MALT1: variants seen among roughly 807,000 people sequenced by gnomAD.
MALT1 encodes the protein mucosa-associated lymphoid tissue lymphoma translocation protein 1.
A neutral mutation model predicts 85.5 loss-of-function variants in MALT1; 36 were observed. That is an observed-to-expected ratio of 0.42 (90% CI 0.32 to 0.56). MALT1 has a LOEUF of 0.56. Among genes scored for constraint, MALT1 ranks in the 20% least tolerant of loss-of-function variants. The pLI is 0.10. For missense variants in MALT1, 716 were observed against 981.6 expected, an observed-to-expected ratio of 0.73 and a Z score of 3.62; for synonymous variants, 359 against 361.3, an observed-to-expected ratio of 0.99 and a Z score of 0.07.
intron 8 of MALT1, among the ~76,000 whole-genome samples, chr18:58,714,786 A>G (rs1024240821): frequency 1.8e-4 from 22 of 121,022 alleles, no homozygotes; most frequent in Admixed American, 8.2e-4. Flanking sequence ...CTGAAAGACA[A>G]TGATGGAACC....
In MALT1 at chr18:58,751,613, C is replaced by T. The variant is rs1234982247; in HGVS notation, c.*3771C>T. 1.3e-5 allele frequency: 2 copies of T among 152,044 alleles called. No homozygotes were observed. The highest frequency in any genetic ancestry group is 6.6e-5 in the Admixed American group (1 of 15,260). 9.4% of individuals were successfully genotyped at this position (152,044 alleles called of 1,614,324 possible). On this transcript the variant is annotated 3_prime_UTR_variant, in exon 17 of 17. Coordinates refer to ENST00000649217, the MANE Select transcript of MALT1 (RefSeq NM_006785.4). ...CCATGCTTTTATTTTACTTGAATCT[C>T]GTGCCAATTGCTTTGTAATATTAAA...
In MALT1 at chr18:58,751,711, T is replaced by C. The variant is rs2055449206; in HGVS notation, c.*3869T>C. ...TCTGTCAATACCAATTAGAATGTAA[T>C]AAAGAAATTAGGATAGTGGAGGTTT... is the stretch of plus-strand genomic sequence containing the variant. On this transcript the variant is annotated 3_prime_UTR_variant, in exon 17 of 17. Transcript: ENST00000649217. The C allele has an allele frequency of 6.6e-6, 1 of 152,140 alleles. No homozygotes were observed. Among genetic ancestry groups the C allele is most frequent in the Non-Finnish European group, 1.5e-5 (1 of 68,010 alleles). 9.4% of individuals were successfully genotyped at this position (152,140 alleles called of 1,614,324 possible).
intron 2 of MALT1, among the ~76,000 whole-genome samples, chr18:58,687,952 T>C (rs1462039791): frequency 6.6e-6 from 1 of 152,240 alleles, no homozygotes; most frequent in Non-Finnish European, 1.5e-5. Flanking sequence ...TCTGACTTCT[T>C]TGTAGATGTT....
chr18:58,701,004 G>A (rs1031157719), intron 4 of MALT1, among the ~76,000 whole-genome samples: 2 of 152,006 alleles, frequency 1.3e-5, no homozygotes, highest in African/African-American at 4.8e-5. Context: ...TGTTGGCCAG[G>A]CTGGTCTTGA....
At chr18:58,698,039 TTTG>T (rs1431698860) in intron 3 of MALT1, among the ~76,000 whole-genome samples, 14 of 41,684 alleles carry the variant, frequency 3.4e-4, no homozygotes, top group Admixed American at 1.8e-3. Context: ...CGTGGGGTTT[TTTG>T]TTGTTGTTGT....
At chr18:58,697,831 G>GT in intron 3 of MALT1, among the ~76,000 whole-genome samples, 1 of 152,246 alleles carries the variant, frequency 6.6e-6, no homozygotes, top group Non-Finnish European at 1.5e-5. Flanking sequence ...CACCTGTTTT[G>GT]TGCCGGGCCA....
At position 58,719,068 on chromosome 18, in the gene MALT1, G is replaced by A. The variant is rs947944861; in HGVS notation, c.1018+3101G>A. Among the ~76,000 whole-genome samples the A allele has an allele frequency of 2.3e-4, 35 of 152,300 alleles. 1 individual carries two copies. Among genetic ancestry groups the A allele is most frequent in the Admixed American group, 2.2e-3 (33 of 15,302 alleles). ...AGTGGCTGGAGGCTATACTGGTAAT[G>A]TAGTTATTTATTGCTGAATAACACT... On this transcript the variant is annotated intron_variant, in intron 9 of 16. Coordinates refer to ENST00000649217, the MANE Select transcript of MALT1 (RefSeq NM_006785.4).
chr18:58,734,838 A>G (rs992748979), intron 12 of MALT1, among the ~76,000 whole-genome samples: 1 of 152,224 alleles, frequency 6.6e-6, no homozygotes, highest in Non-Finnish European at 1.5e-5. Flanking sequence ...CAGAAGTCCC[A>G]TGTGGCAAGT....
At chr18:58,691,709 A>C (rs1054568824) in intron 2 of MALT1, 3 of 154,378 alleles carry the variant, frequency 1.9e-5, no homozygotes, top group Non-Finnish European at 4.3e-5. Context: ...TTTACTAAAA[A>C]TACAAAAAAT....
At chr18:58,674,043 G>A (rs1309101735) in intron 1 of MALT1, 1 of 152,116 alleles carries the variant, frequency 6.6e-6, no homozygotes, top group African/African-American at 2.4e-5. Flanking sequence ...CAGATCTCCA[G>A]AGTATTACGG....
chr18:58,726,651 A>C (rs1471900053), intron 10 of MALT1, among the ~76,000 whole-genome samples: 1 of 152,230 alleles, frequency 6.6e-6, no homozygotes, highest in East Asian at 1.9e-4. Context: ...ACCAGAAATA[A>C]CTGTCCTTAA....
rs114480366 is a variant in MALT1 at position 58,678,942 on chromosome 18, G to A, written c.210-2228G>A. The stretch of plus-strand genomic sequence containing the variant: ...ATTGGCAGGAAAAGGAGCAGGATCT[G>A]CAAAGATGGATGAGGTGTGAATTCT... On this transcript the variant is annotated intron_variant, in intron 1 of 16. Coordinates refer to ENST00000649217, the MANE Select transcript of MALT1 (RefSeq NM_006785.4). Among the ~76,000 whole-genome samples the A allele has an allele frequency of 7.8e-3, 1,183 of 152,320 alleles. 13 individuals carry two copies. Among genetic ancestry groups the A allele is most frequent in the African/African-American group, 0.026 (1,071 of 41,574 alleles).
rs952284127 is a variant in MALT1 at position 58,748,201 on chromosome 18, C to G, written c.*359C>G. The G allele has an allele frequency of 3.6e-4, 93 of 258,672 alleles. No individual in the cohort carries two copies. The highest frequency in any genetic ancestry group is 5.1e-5 in the Admixed American group (1 of 19,578). The allele number at this position is 258,672 out of a possible 1,614,324, so 16.0% of individuals were successfully genotyped here. ...ATTTTTAACACCAGAAAGAACCTTGCCGATCACCAGGCATAACCTAATTTT... is the reference window on the plus strand; with the variant it reads ...ATTTTTAACACCAGAAAGAACCTTGGCGATCACCAGGCATAACCTAATTTT... On this transcript the variant is annotated 3_prime_UTR_variant, in exon 17 of 17. Transcript: ENST00000649217.
At chr18:58,714,613 G>T (rs1488447598) in intron 8 of MALT1, among the ~76,000 whole-genome samples, 1 of 152,150 alleles carries the variant, frequency 6.6e-6, no homozygotes, top group Non-Finnish European at 1.5e-5. Context: ...GTTGGTCAGT[G>T]ACCATTTCTT....
intron 11 of MALT1, chr18:58,733,981 G>C: frequency 8.6e-7 from 1 of 1,166,316 alleles, no homozygotes; most frequent in Non-Finnish European, 1.1e-6. Context: ...ATGTTTGGAG[G>C]TTTGGATCCC....
intron 10 of MALT1, among the ~76,000 whole-genome samples, chr18:58,729,968 G>A (rs891217094): frequency 3.3e-5 from 5 of 152,194 alleles, no homozygotes; most frequent in Non-Finnish European, 7.3e-5. Flanking sequence ...CAGTTACCAG[G>A]TAGTAGTTAC....
In MALT1 at chr18:58,733,545, T is replaced by C; in HGVS notation, c.1371T>C (p.Asn457=). Residue 457 remains asparagine, a synonymous_variant, in exon 11 of 17, where the codon AAT becomes AAC. Transcript: ENST00000649217. ...TGCAAGAAAAAGAAACTGGACTTAA[T>C]GTGTTCTTATTGGATATGTGTAGGA... ...KLMQEKETGL[N]VFLLDMCRKR... is the part of the protein sequence containing the mutation. 6.2e-7 allele frequency: 1 copy of C among 1,609,070 alleles called. No individual in the cohort carries two copies. The highest frequency in any genetic ancestry group is 1.1e-5 in the South Asian group (1 of 89,960).
intron 9 of MALT1, among the ~76,000 whole-genome samples, chr18:58,722,328 C>CA (rs1200739535): frequency 2.6e-5 from 4 of 151,804 alleles, no homozygotes; most frequent in Non-Finnish European, 5.9e-5. Flanking sequence ...CTCTTATGAA[C>CA]AAAAAAACTG....
intron 2 of MALT1, among the ~76,000 whole-genome samples, chr18:58,693,562 C>T (rs1451179916): frequency 6.6e-6 from 1 of 152,188 alleles, no homozygotes; most frequent in Non-Finnish European, 1.5e-5. Context: ...GAAGTCAGTG[C>T]CTGGCTGACT....
Sources: gnomAD v4.1 joint callset for allele counts (sites outside exome capture counted in the v4.1 genomes callset) on GRCh38, gnomAD v4.1.1 for gene constraint, MANE v1.5 for transcripts, NCBI Gene and HGNC (gene_info 2026-07-23, HGNC 2026-07-21) for gene names.